ASXL3: variants seen among roughly 807,000 people sequenced by gnomAD.
The protein encoded by ASXL3 is putative Polycomb group protein ASXL3.
A neutral mutation model predicts 170.6 loss-of-function variants in ASXL3; 34 were observed. The observed-to-expected ratio is 0.20, with a 90% CI of 0.15 to 0.27. ASXL3 has a LOEUF of 0.27. Ranked by LOEUF, ASXL3 falls within the 10% of genes least tolerant of loss-of-function variation. The pLI is 1.00. For synonymous variants in ASXL3, 1,002 were observed against 989.1 expected, an observed-to-expected ratio of 1.01 and a Z score of -0.24; for missense variants, 2,592 against 2,695.3, an observed-to-expected ratio of 0.96 and a Z score of 0.85.
intron 2 of ASXL3, among the ~76,000 whole-genome samples, chr18:33,624,231 C>A (rs561600628): frequency 6.6e-6 from 1 of 152,062 alleles, no homozygotes; most frequent in South Asian, 2.1e-4. Context: ...GATGTACACT[C>A]TACCTATAAG....
chr18:33,699,190 ATCT>A (rs1202912245), intron 8 of ASXL3, among the ~76,000 whole-genome samples: 1 of 152,126 alleles, frequency 6.6e-6, no homozygotes, highest in Non-Finnish European at 1.5e-5. Flanking sequence ...CGGCAAGAAA[ATCT>A]TCTATGAAAT....
chr18:33,657,003 T>C (rs776882075), intron 4 of ASXL3, among the ~76,000 whole-genome samples: 4 of 152,152 alleles, frequency 2.6e-5, no homozygotes, highest in Non-Finnish European at 5.9e-5. Context: ...TCGACTGCTC[T>C]GTGCCCATCT....
chr18:33,595,815 G>A (rs2030993103), intron 1 of ASXL3, among the ~76,000 whole-genome samples: 1 of 152,168 alleles, frequency 6.6e-6, no homozygotes, highest in South Asian at 2.1e-4. Flanking sequence ...GGCTCTCCCT[G>A]TGTCCCCAAC....
intron 7 of ASXL3, among the ~76,000 whole-genome samples, chr18:33,682,696 G>T (rs1457380018): frequency 6.6e-6 from 1 of 152,028 alleles, no homozygotes; most frequent in Non-Finnish European, 1.5e-5. Context: ...ACAGGTGCAT[G>T]CCACCACACC....
At chr18:33,680,056 T>C (rs1204951273) in intron 7 of ASXL3, among the ~76,000 whole-genome samples, 1 of 152,034 alleles carries the variant, frequency 6.6e-6, no homozygotes, top group Non-Finnish European at 1.5e-5. Flanking sequence ...AATTTCATTA[T>C]TTTTACACGT....
At chr18:33,592,357 T>C (rs1383400052) in intron 1 of ASXL3, among the ~76,000 whole-genome samples, 1 of 152,238 alleles carries the variant, frequency 6.6e-6, no homozygotes, top group Non-Finnish European at 1.5e-5. Flanking sequence ...TATTACCTCA[T>C]AAGCATTAGG....
At chr18:33,632,077 C>T (rs1291292208) in intron 2 of ASXL3, among the ~76,000 whole-genome samples, 2 of 152,056 alleles carry the variant, frequency 1.3e-5, no homozygotes, top group Admixed American at 6.6e-5. Flanking sequence ...TCTTGTATTA[C>T]AAAGAAAAAA....
rs1177197354 is a variant in ASXL3 at position 33,743,007 on chromosome 18, C to T, written c.3159C>T (p.Thr1053=). Residue 1053 remains threonine, a synonymous_variant, in exon 12 of 12, where the codon ACC becomes ACT. Coordinates refer to ENST00000269197, the MANE Select transcript of ASXL3 (RefSeq NM_030632.3). ...GCGGGAGGAACACAGGAGCCAGGACCCTCGCAGATATCAAGGCCCGGGCCC... is the reference window on the plus strand; with the variant it reads ...GCGGGAGGAACACAGGAGCCAGGACTCTCGCAGATATCAAGGCCCGGGCCC... ...VSGGRNTGAR[T]LADIKARAQQ... The T allele has an allele frequency of 6.2e-7, 1 of 1,613,706 alleles. No individual in the cohort carries two copies. Among genetic ancestry groups the T allele is most frequent in the East Asian group, 2.2e-5 (1 of 44,880 alleles).
chr18:33,735,097 C>T (rs1047989864), intron 10 of ASXL3, among the ~76,000 whole-genome samples: 14 of 152,162 alleles, frequency 9.2e-5, no homozygotes, highest in Admixed American at 5.9e-4. Flanking sequence ...TTACTATTGA[C>T]GGTCACTTCA....
At chr18:33,640,295 A>G (rs2065826238) in intron 2 of ASXL3, among the ~76,000 whole-genome samples, 1 of 152,004 alleles carries the variant, frequency 6.6e-6, no homozygotes, top group Non-Finnish European at 1.5e-5. Context: ...CAGATAACAT[A>G]TATAAAGCCC....
rs111980126 is a variant in ASXL3 at position 33,730,317 on chromosome 18, G to A, written c.880-1651G>A. 7.7e-4 allele frequency among the ~76,000 whole-genome samples: 117 copies of A among 152,180 alleles called. 1 individual carries two copies. The highest frequency in any genetic ancestry group is 2.2e-3 in the African/African-American group (93 of 41,540). On this transcript the variant is annotated intron_variant, in intron 8 of 11. Transcript: ENST00000269197. ...CCTGCTCTAATAGAAGTGATTCACC[G>A]CTGGGAACCTGGACTTCTAATCCCA... is the stretch of plus-strand genomic sequence containing the variant.
At chr18:33,711,932 A>T (rs997734010) in intron 8 of ASXL3, among the ~76,000 whole-genome samples, 5 of 152,214 alleles carry the variant, frequency 3.3e-5, no homozygotes, top group African/African-American at 1.2e-4. Context: ...TAATGTCATA[A>T]AATATGCAAT....
intron 8 of ASXL3, among the ~76,000 whole-genome samples, chr18:33,716,799 T>A (rs1400272020): frequency 6.6e-6 from 1 of 152,064 alleles, no homozygotes; most frequent in Non-Finnish European, 1.5e-5. Flanking sequence ...GTATACTGTC[T>A]TCAAGGTGGA....
chr18:33,590,238 C>T (rs1434647598), intron 1 of ASXL3, among the ~76,000 whole-genome samples: 4 of 151,136 alleles, frequency 2.6e-5, no homozygotes, highest in East Asian at 1.9e-4. Context: ...ACCTTAGCCA[C>T]GACAGCCTAA....
chr18:33,582,736 G>GTGTT (rs2065004416), intron 1 of ASXL3, among the ~76,000 whole-genome samples: 1 of 131,238 alleles, frequency 7.6e-6, no homozygotes, highest in Admixed American at 7.4e-5. Context: ...GTGTGTGTGT[G>GTGTT]TGTGTTTTCT....
chr18:33,744,328 T>C lies in ASXL3; in HGVS notation c.4480T>C (p.Ser1494Pro). 2 of 1,613,960 alleles carry C rather than the reference T, an allele frequency of 1.2e-6. No homozygotes were observed. The highest frequency in any genetic ancestry group is 2.7e-5 in the African/African-American group (2 of 75,036). Reference protein sequence around the residue: ...SLSLTVSVESSEASLDLQGRP... With the variant: ...SLSLTVSVESPEASLDLQGRP... Reference sequence around the variant, plus strand: ...GTCTCTGACTGTCTCCGTTGAAAGCTCAGAAGCCAGCTTGGACCTGCAGGG... The same window carrying C: ...GTCTCTGACTGTCTCCGTTGAAAGCCCAGAAGCCAGCTTGGACCTGCAGGG... The change falls in exon 12 of 12, where the codon TCA (serine) becomes CCA (proline). Residue 1494 changes from serine (S) to proline (P), a missense_variant. Around this residue, in one of 4 missense-constraint regions of ASXL3, gnomAD observed 2,246 missense variants for 2,219.6 expected, o/e 1.01. Coordinates refer to ENST00000269197, the MANE Select transcript of ASXL3 (RefSeq NM_030632.3).
chr18:33,713,885 A>G (rs1210621068), intron 8 of ASXL3, among the ~76,000 whole-genome samples: 1 of 152,220 alleles, frequency 6.6e-6, no homozygotes, highest in East Asian at 1.9e-4. Context: ...CAGGTTAGGT[A>G]CATTCCTAGA....
At chr18:33,648,077 G>A (rs941347946) in intron 4 of ASXL3, among the ~76,000 whole-genome samples, 2 of 152,076 alleles carry the variant, frequency 1.3e-5, no homozygotes, top group Non-Finnish European at 2.9e-5. Context: ...AGCCAGGGAA[G>A]TTATGGGGGC....
intron 4 of ASXL3, among the ~76,000 whole-genome samples, chr18:33,651,011 A>C (rs143859557): frequency 6.6e-6 from 1 of 152,218 alleles, no homozygotes; most frequent in East Asian, 1.9e-4. Context: ...TAAATGTCCC[A>C]TCCAAATTGC....
Sources: gnomAD v4.1 joint callset for allele counts (sites outside exome capture counted in the v4.1 genomes callset) on GRCh38, gnomAD v4.1.1 for gene constraint, gnomAD v4.1.1 regional missense constraint, MANE v1.5 for transcripts, NCBI Gene and HGNC (gene_info 2026-07-23, HGNC 2026-07-21) for gene names.